The following DOCK3 variants were observed in gnomAD, a reference collection of about 807,000 sequenced individuals.
The protein encoded by DOCK3 is dedicator of cytokinesis protein 3.
In DOCK3, 60 loss-of-function variants were observed where a neutral mutation model predicts 265.6. The ratio of observed to expected loss-of-function variants is 0.23; its 90% CI spans 0.18 to 0.28. The LOEUF is 0.28. DOCK3 is among the 10% of genes least tolerant of loss of function. The probability of loss-of-function intolerance (pLI) is 1.00; values close to 1 mark genes in which losing one functional copy is unlikely to be tolerated. For missense variants in DOCK3, 1,981 were observed against 2,594.3 expected (o/e 0.76, Z 5.14); for synonymous variants, 881 against 938.0 (o/e 0.94, Z 1.11).
At chr3:50,966,962 A>G (rs1287817337) in intron 5 of DOCK3, among the ~76,000 whole-genome samples, 3 of 152,218 alleles carry the variant, frequency 2.0e-5, no homozygotes, top group East Asian at 3.9e-4. Flanking sequence ...AAATCTTTTT[A>G]TTGATACATA....
chr3:51,237,454 A>G (rs1455853944), intron 20 of DOCK3, 36 bp from the exon 21 acceptor site: 2 of 1,552,910 alleles, frequency 1.3e-6, no homozygotes, highest in Non-Finnish European at 8.8e-7. Flanking sequence ...TGAGGCCTCC[A>G]GTGAACCCTG....
intron 22 of DOCK3, among the ~76,000 whole-genome samples, chr3:51,256,560 C>T (rs971014393): frequency 6.0e-5 from 9 of 150,064 alleles, no homozygotes; most frequent in Admixed American, 2.0e-4. Context: ...TGTGAGCCAT[C>T]GCACCCAGCG....
chr3:50,990,341 A>G (rs2078060875), intron 5 of DOCK3, among the ~76,000 whole-genome samples: 1 of 152,166 alleles, frequency 6.6e-6, no homozygotes, highest in Non-Finnish European at 1.5e-5. Context: ...CATCCCCAAG[A>G]CACATCACGT....
intron 1 of DOCK3, among the ~76,000 whole-genome samples, chr3:50,771,522 A>G (rs1381527222): frequency 1.3e-5 from 2 of 152,280 alleles, no homozygotes; most frequent in South Asian, 2.1e-4. Flanking sequence ...TACAACCACT[A>G]TGGAGAACAG....
intron 2 of DOCK3, among the ~76,000 whole-genome samples, chr3:50,804,114 A>G (rs2043250699): frequency 6.7e-6 from 1 of 148,248 alleles, no homozygotes; most frequent in African/African-American, 2.5e-5. Flanking sequence ...GCGGCGGGGC[A>G]GAGGCGCTCC....
chr3:50,972,756 G>T (rs939388566), intron 5 of DOCK3, among the ~76,000 whole-genome samples: 3 of 152,286 alleles, frequency 2.0e-5, no homozygotes, highest in African/African-American at 7.2e-5. Context: ...TCTCTATGCT[G>T]TTATATTGGT....
At chr3:50,843,109 A>G (rs1401108539) in intron 3 of DOCK3, among the ~76,000 whole-genome samples, 4 of 152,202 alleles carry the variant, frequency 2.6e-5, no homozygotes, top group Non-Finnish European at 5.9e-5. Context: ...AAAATATTAA[A>G]CATCACTGTT....
chr3:50,913,061 T>C (rs1355252788), intron 4 of DOCK3, among the ~76,000 whole-genome samples: 1 of 152,116 alleles, frequency 6.6e-6, no homozygotes, highest in African/African-American at 2.4e-5. Context: ...GTTCTGTGTC[T>C]CACCTGAAGG....
chr3:50,795,155 C>T (rs1167334514), intron 2 of DOCK3, among the ~76,000 whole-genome samples: 1 of 152,030 alleles, frequency 6.6e-6, no homozygotes, highest in Non-Finnish European at 1.5e-5. Context: ...TTCTAGCTAC[C>T]TTTAACATTT....
At chr3:50,883,933 T>C (rs979744263) in intron 3 of DOCK3, among the ~76,000 whole-genome samples, 2 of 152,180 alleles carry the variant, frequency 1.3e-5, no homozygotes, top group African/African-American at 4.8e-5. Context: ...TTTCTGTCTC[T>C]GTGTATTTGC....
intron 27 of DOCK3, among the ~76,000 whole-genome samples, chr3:51,293,289 A>G (rs2109196233): frequency 6.6e-6 from 1 of 152,314 alleles, no homozygotes; most frequent in South Asian, 2.1e-4. Context: ...ACATTGACCA[A>G]TAGAAGAGGA....
At chr3:50,901,651 A>G (rs1373576710) in intron 4 of DOCK3, 1 of 453,952 alleles carries the variant, frequency 2.2e-6, no homozygotes, top group Non-Finnish European at 4.4e-6. Context: ...ACCATGGGAA[A>G]AGCATAGTAA....
At chr3:51,354,450 T>G (rs1386558016) in intron 40 of DOCK3, among the ~76,000 whole-genome samples, 1 of 152,198 alleles carries the variant, frequency 6.6e-6, no homozygotes, top group Non-Finnish European at 1.5e-5. Context: ...ACAGACACCT[T>G]CTTTCCAGCT....
intron 9 of DOCK3, among the ~76,000 whole-genome samples, chr3:51,092,197 G>A (rs1306509262): frequency 1.3e-5 from 2 of 152,188 alleles, no homozygotes; most frequent in Non-Finnish European, 2.9e-5. Flanking sequence ...CTGAAGCCAG[G>A]AAGCCAAGTG....
At position 50,920,663 on chromosome 3, in the gene DOCK3, C is replaced by T. The variant is rs57498892; in HGVS notation, c.219-13318C>T. Among the ~76,000 whole-genome samples the T allele has an allele frequency of 7.6e-3, 1,164 of 152,208 alleles. 17 individuals are homozygous for T. Among genetic ancestry groups the T allele is most frequent in the African/African-American group, 0.027 (1,115 of 41,524 alleles). On this transcript the variant is annotated intron_variant, in intron 4 of 52. Transcript: ENST00000266037. ...TTTTCTTCTTTATTAGTCTTGCTAA[C>T]GGTCTGTCAATTTTGTTGATCTTTT...
chr3:50,871,873 CT>C (rs1262689598), intron 3 of DOCK3, among the ~76,000 whole-genome samples: 2 of 152,098 alleles, frequency 1.3e-5, no homozygotes, highest in Non-Finnish European at 2.9e-5. Context: ...AGAATTTTGG[CT>C]TGATTATTTT....
Position 51,291,326 on chromosome 3 carries a change from CTAAAAA to C in DOCK3, c.2922+11123_2922+11128del, listed in dbSNP as rs1054266194. Among the ~76,000 whole-genome samples the C allele has an allele frequency of 5.3e-5, 8 of 151,100 alleles. 1 individual carries two copies. Among genetic ancestry groups the C allele is most frequent in the Non-Finnish European group, 8.8e-5 (6 of 67,814 alleles). ...AGAGTAGAAGTAAATGAAATGGACA[CTAAAAA>C]AAGAAAAAGAAAAGAAAAATCACCT... On this transcript the variant is annotated intron_variant, in intron 27 of 52. Coordinates refer to ENST00000266037, the MANE Select transcript of DOCK3 (RefSeq NM_004947.5).
chr3:51,108,993 A>C (rs2083401617), intron 9 of DOCK3, among the ~76,000 whole-genome samples: 1 of 152,210 alleles, frequency 6.6e-6, no homozygotes, highest in Non-Finnish European at 1.5e-5. Flanking sequence ...ATTAGTGAAG[A>C]TATGCAGGAC....
At chr3:51,341,106 C>A in intron 37 of DOCK3, 131 bp from the exon 38 acceptor site, 1 of 1,121,066 alleles carries the variant, frequency 8.9e-7, no homozygotes, top group South Asian at 1.8e-5. Flanking sequence ...TCTTTAGTAT[C>A]CAGTGTCCCC....
Sources: allele counts gnomAD v4.1 joint callset (sites outside exome capture counted in the v4.1 genomes callset), GRCh38; gene constraint gnomAD v4.1.1; transcripts MANE v1.5; gene names NCBI Gene and HGNC (gene_info 2026-07-23, HGNC 2026-07-21).